Variants in MOV10 observed in about 807,000 individuals in gnomAD.
MOV10 encodes the protein Mov10 RNA helicase.
Under a neutral mutation model 108.4 loss-of-function variants are expected in MOV10, and 39 were observed. The ratio of observed to expected loss-of-function variants is 0.36; its 90% CI spans 0.28 to 0.47. The LOEUF (loss-of-function observed/expected upper bound fraction) is 0.47, where lower values mean the gene tolerates loss of function less well. Ranked by LOEUF, MOV10 falls within the 20% of genes least tolerant of loss-of-function variation. The pLI is 1.00. For missense variants in MOV10, 952 were observed against 1,297.6 expected (o/e 0.73, Z 4.09); for synonymous variants, 490 against 523.1 (o/e 0.94, Z 0.86).
chr1:112,698,930 G>A lies in MOV10; in HGVS notation c.2583+141G>A, dbSNP rs41283072. ...TGAATAGAGCTCGAGCTCTCCCTGAGCCTCTCACTCCTGGAGATTCCAACT... is the reference window on the plus strand; with the variant it reads ...TGAATAGAGCTCGAGCTCTCCCTGAACCTCTCACTCCTGGAGATTCCAACT... On this transcript the variant is annotated intron_variant, in intron 17 of 20. Transcript: ENST00000369645. 6,399 of 734,550 alleles carry A rather than the reference G, an allele frequency of 8.7e-3. 42 individuals are homozygous for A. The highest frequency in any genetic ancestry group is 0.013 in the Non-Finnish European group (5,249 of 412,642). The allele number at this position is 734,550 out of a possible 1,614,324, so 45.5% of individuals were successfully genotyped here.
intron 17 of MOV10, 80 bp from the exon 18 acceptor site, chr1:112,699,605 C>T (rs1674445640): frequency 3.1e-6 from 5 of 1,595,856 alleles, no homozygotes; most frequent in East Asian, 4.5e-5. Context: ...CTGTACCCTC[C>T]TTGGAAGGCA....
chr1:112,695,718 A>G (rs1366038041), intron 11 of MOV10, 144 bp downstream of exon 11: 6 of 784,026 alleles, frequency 7.7e-6, no homozygotes, highest in Non-Finnish European at 1.1e-5. Context: ...CCTGGGCCTC[A>G]GTTTGTCTGT....
In MOV10 at chr1:112,698,081, C is replaced by T. The variant is rs369707650; in HGVS notation, c.2286C>T (p.Arg762=). Residue 762 remains arginine, a synonymous_variant, in exon 15 of 21, where the codon CGC becomes CGT. Transcript: ENST00000369645. ...GTGCTGATGTCGTGGATCGAGAACG[C>T]TTCTGCCGCTGGGCGGGCCTACCTC... The part of the protein sequence containing the change: ...QACADVVDRE[R]FCRWAGLPRQ... 8 of 1,614,082 alleles carry T rather than the reference C, an allele frequency of 5.0e-6. No individual in the cohort carries two copies. The African/African-American group carries it at 1.1e-4, about 22-fold the overall frequency.
intron 17 of MOV10, chr1:112,699,033 A>T (rs1674375732): frequency 1.9e-6 from 1 of 529,916 alleles, no homozygotes; most frequent in Non-Finnish European, 3.4e-6. Context: ...GGCAGGTTTG[A>T]GGCCTCTGCC....
At chr1:112,688,038 C>T (rs991183089) in intron 2 of MOV10, among the ~76,000 whole-genome samples, 3 of 152,130 alleles carry the variant, frequency 2.0e-5, no homozygotes, top group Non-Finnish European at 4.4e-5. Context: ...CCTTCATGGA[C>T]ACCTCCTCTG....
intron 2 of MOV10, chr1:112,686,985 A>G (rs752326122): frequency 2.4e-5 from 11 of 456,328 alleles, no homozygotes; most frequent in Non-Finnish European, 4.8e-5. Flanking sequence ...CAGCAAATCC[A>G]TCCTCCAATC....
intron 5 of MOV10, among the ~76,000 whole-genome samples, chr1:112,690,984 A>G (rs1276431486): frequency 6.6e-5 from 10 of 152,228 alleles, no homozygotes; most frequent in Admixed American, 6.5e-4. Flanking sequence ...ATACTGAGTT[A>G]TAAAAGCAAA....
At chr1:112,681,915 TA>T (rs1672686321) in intron 2 of MOV10, among the ~76,000 whole-genome samples, 1 of 151,540 alleles carries the variant, frequency 6.6e-6, no homozygotes. Flanking sequence ...TTTTTTTTTT[TA>T]GACAGTTTTG....
Position 112,696,761 on chromosome 1 carries a change from C to T in MOV10, c.2113C>T (p.Arg705Trp), listed in dbSNP as rs755635865. The change falls in exon 14 of 21, where the codon CGG (arginine) becomes TGG (tryptophan). Residue 705 changes from arginine to tryptophan, a missense_variant. Coordinates refer to ENST00000369645, the MANE Select transcript of MOV10 (RefSeq NM_001321324.2). ...TGGACTGGGATACTCACTGCTGGAG[C>T]GGCTGCTCACCTACAACTCCCTGTA... ...KHGLGYSLLE[R>W]LLTYNSLYKK... 1.2e-6 allele frequency: 2 copies of T among 1,604,782 alleles called. No homozygotes were observed. The highest frequency in any genetic ancestry group is 1.3e-5 in the African/African-American group (1 of 74,924).
rs1386303860 is a variant in MOV10 at position 112,675,350 on chromosome 1, C to G, written c.137+301C>G. ...GGGGCCGGGAGCTGCGTCCCGCGTC[C>G]ATGCGCCGCTCGCGGGGGCTGAGGG... On this transcript the variant is annotated intron_variant, in intron 2 of 20. Coordinates refer to ENST00000369645, the MANE Select transcript of MOV10 (RefSeq NM_001321324.2). This position sits in a 1 kb window ranked among gnomAD's most constrained non-coding sequence, Gnocchi z 4.7. 6.6e-6 allele frequency among the ~76,000 whole-genome samples: 1 copy of G among 152,114 alleles called. No individual in the cohort carries two copies. The highest frequency in any genetic ancestry group is 1.9e-4 in the East Asian group (1 of 5,174).
rs950050968 is a variant in MOV10 at position 112,694,571 on chromosome 1, A to G, written c.1414A>G (p.Met472Val). Reference protein sequence around the residue: ...ELTGRWLLWPMLFPVAPRDVP... With the variant: ...ELTGRWLLWPVLFPVAPRDVP... ...GACAGGGCGCTGGCTGCTGTGGCCC[A>G]TGCTCTTTCCTGTGGCACCTCGGGA... The change falls in exon 9 of 21, where the codon ATG becomes GTG. Residue 472 changes from methionine (M) to valine (V), a missense_variant. Coordinates refer to ENST00000369645, the MANE Select transcript of MOV10 (RefSeq NM_001321324.2). This position sits in a 1 kb window ranked among gnomAD's most constrained non-coding sequence, Gnocchi z 4.1. 3 of 1,613,680 alleles carry G rather than the reference A, an allele frequency of 1.9e-6. No homozygotes were observed. Among genetic ancestry groups the G allele is most frequent in the African/African-American group, 1.3e-5 (1 of 74,912 alleles).
In MOV10 at chr1:112,696,500, C is replaced by T. The variant is rs1345292510; in HGVS notation, c.1947C>T (p.His649=). The T allele has an allele frequency of 6.2e-7, 1 of 1,614,162 alleles. No homozygotes were observed. The highest frequency in any genetic ancestry group is 2.2e-5 in the East Asian group (1 of 44,878). ...ACATCTTCATCGATGAGGCTGGCCA[C>T]TGCATGGAGCCTGAGAGTCTGGTAG... ...FTHIFIDEAG[H]CMEPESLVAI... The change falls in exon 13 of 21, where the codon CAC becomes CAT. Residue 649 remains histidine, a synonymous_variant. Coordinates refer to ENST00000369645, the MANE Select transcript of MOV10 (RefSeq NM_001321324.2).
rs894328340 is a variant in MOV10 at position 112,675,129 on chromosome 1, G to C, written c.137+80G>C. 7 of 1,523,134 alleles carry C rather than the reference G, an allele frequency of 4.6e-6. No homozygotes were observed. The African/African-American group carries it at 7.2e-5, about 16-fold the overall frequency. 94.4% of individuals were successfully genotyped at this position (1,523,134 alleles called of 1,614,324 possible). The stretch of plus-strand genomic sequence containing the variant: ...CCCCCGCGCGAGGGCCACCTTTCCC[G>C]CCCCGGGGCGCAGAGGGACGCAGCT... On this transcript the variant is annotated intron_variant, in intron 2 of 20. Transcript: ENST00000369645. The surrounding 1 kb of genome is among the most constrained non-coding windows in gnomAD (Gnocchi z 4.7).
At chr1:112,679,982 C>T (rs868721883) in intron 2 of MOV10, among the ~76,000 whole-genome samples, 2 of 152,042 alleles carry the variant, frequency 1.3e-5, no homozygotes, top group Non-Finnish European at 2.9e-5. Flanking sequence ...GACTTGCCTA[C>T]AAGTACAAGG....
At chr1:112,697,919 G>A in intron 14 of MOV10, 75 bp from the exon 15 acceptor site, 1 of 1,228,420 alleles carries the variant, frequency 8.1e-7, no homozygotes. Context: ...TGGGCCCAGA[G>A]TGGGTAGAGC....
chr1:112,696,783 T>C lies in MOV10; in HGVS notation c.2135T>C (p.Leu712Pro). The change falls in exon 14 of 21, where the codon CTG (leucine) becomes CCG (proline). Residue 712 changes from leucine (L) to proline (P), a missense_variant. Leu to Pro is a moderately conservative substitution (Grantham distance 98). Transcript: ENST00000369645. ...GAGCGGCTGCTCACCTACAACTCCC[T>C]GTACAAGAAGGGCCCTGATGGCTAT... ...LLERLLTYNS[L>P]YKKGPDGYDP... 6.2e-7 allele frequency: 1 copy of C among 1,606,206 alleles called. No individual in the cohort carries two copies. The highest frequency in any genetic ancestry group is 8.5e-7 in the Non-Finnish European group (1 of 1,176,062).
chr1:112,689,131 T>C lies in MOV10; in HGVS notation c.334T>C (p.Tyr112His). The C allele has an allele frequency of 6.3e-7, 1 of 1,597,854 alleles. No individual in the cohort carries two copies. The highest frequency in any genetic ancestry group is 8.5e-7 in the Non-Finnish European group (1 of 1,172,200). ...CAAGTCACTGCTAGCCAAGATCTTT[T>C]ATGACAGGTGTGTGTGTGTTGTATG... is the stretch of plus-strand genomic sequence containing the variant. ...HHKSLLAKIFYDRAEYLHGKH... is the reference protein window; with the variant it reads ...HHKSLLAKIFHDRAEYLHGKH... The change falls in exon 3 of 21, where the codon TAT (tyrosine) becomes CAT (histidine). Residue 112 changes from tyrosine (Y) to histidine (H), a missense_variant. Transcript: ENST00000369645.
intron 15 of MOV10, 21 bp downstream of exon 15, chr1:112,698,132 C>T (rs1674278989): frequency 6.2e-7 from 1 of 1,608,630 alleles, no homozygotes. Context: ...GCAGGGCAGG[C>T]CCCACCCCTG....
chr1:112,683,845 G>T (rs1443359802), intron 2 of MOV10, among the ~76,000 whole-genome samples: 1 of 152,150 alleles, frequency 6.6e-6, no homozygotes, highest in African/African-American at 2.4e-5. Context: ...AAGTATCCTT[G>T]CACATATGTC....
Sources: gnomAD v4.1 joint callset for allele counts (sites outside exome capture counted in the v4.1 genomes callset) on GRCh38, gnomAD v4.1.1 for gene constraint, Gnocchi (gnomAD v3.1) non-coding constraint, MANE v1.5 for transcripts, NCBI Gene and HGNC (gene_info 2026-07-23, HGNC 2026-07-21) for gene names.